The following DGKZ variants were observed in gnomAD, a reference collection of about 807,000 sequenced individuals.
DGKZ encodes DAG kinase zeta.
DGKZ carries 45 observed loss-of-function variants against 142.5 expected under a neutral mutation model. That is an observed-to-expected ratio of 0.32 (90% CI 0.25 to 0.40). The LOEUF (loss-of-function observed/expected upper bound fraction) is 0.40, where lower values mean the gene tolerates loss of function less well. Ranked by LOEUF, DGKZ falls within the 10% of genes least tolerant of loss-of-function variation. The pLI is 1.00. For missense variants in DGKZ, 755 were observed against 1,306.5 expected, an observed-to-expected ratio of 0.58 and a Z score of 6.51; for synonymous variants, 442 against 527.0, an observed-to-expected ratio of 0.84 and a Z score of 2.21.
At chr11:46,345,483 C>T (rs376380514), upstream of DGKZ, 36 of 1,507,012 alleles carry the variant, frequency 2.4e-5, 1 homozygote, top group East Asian at 6.8e-4. The surrounding 1 kb of genome is among the most constrained non-coding windows in gnomAD (Gnocchi z 4.1). Context: ...CCAGTGGAGG[C>T]GCTGGGGACG....
At chr11:46,373,144 G>C (rs577145313) in intron 14 of DGKZ, 43 bp downstream of exon 14, 105 of 1,504,372 alleles carry the variant, frequency 7.0e-5, no homozygotes, top group African/African-American at 6.2e-4. Flanking sequence ...AGGTGACTGG[G>C]GACTGGATCC....
In DGKZ at chr11:46,378,491, C is replaced by A. The variant is rs142463622; in HGVS notation, c.2409C>A (p.Asp803Glu). ...TGATTGAGGCTGCCAAGAGGAACGA[C>A]TTCTGTAAGGTACTAGCTCCAGGCT... The change falls in exon 27 of 31, where the codon GAC (aspartate) becomes GAA (glutamate). Residue 803 changes from aspartate to glutamate, a missense_variant. Asp to Glu is a conservative substitution (Grantham distance 45). Coordinates refer to ENST00000527911, the Ensembl canonical transcript of DGKZ. 124 of 1,610,076 alleles carry A rather than the reference C, an allele frequency of 7.7e-5. No homozygotes were observed. The highest frequency in any genetic ancestry group is 9.9e-5 in the Non-Finnish European group (117 of 1,177,554).
chr11:46,372,633 A>G lies in DGKZ; in HGVS notation c.1027A>G (p.Lys343Glu), dbSNP rs1944079134. The G allele has an allele frequency of 6.2e-7, 1 of 1,613,712 alleles. No individual in the cohort carries two copies. The highest frequency in any genetic ancestry group is 8.5e-7 in the Non-Finnish European group (1 of 1,180,006). The change falls in exon 12 of 31, where the codon AAA becomes GAA. Residue 343 changes from lysine (K) to glutamate (E), a missense_variant. By Grantham distance (56) the Lys-to-Glu change is moderately conservative. Around this residue, in one of 8 missense-constraint regions of DGKZ, gnomAD observed 191 missense variants for 472.1 expected, o/e 0.40. Transcript: ENST00000527911. The surrounding 1 kb of genome is among the most constrained non-coding windows in gnomAD (Gnocchi z 5.9). Reference sequence around the variant, plus strand: ...TGAGCCCAGGCTGGAGATGTACCGCAAAGTGCACAACCTGCGGATCCTGGC... The same window carrying G: ...TGAGCCCAGGCTGGAGATGTACCGCGAAGTGCACAACCTGCGGATCCTGGC...
intron 4 of DGKZ, 67 bp downstream of exon 4, chr11:46,368,146 C>T: frequency 6.6e-7 from 1 of 1,522,596 alleles, no homozygotes; most frequent in Non-Finnish European, 9.1e-7. Flanking sequence ...AGCGCGCACT[C>T]ACACCCACAT....
At chr11:46,376,718 G>A in intron 24 of DGKZ, 154 bp downstream of exon 24, 1 of 1,030,276 alleles carries the variant, frequency 9.7e-7, no homozygotes, top group Non-Finnish European at 1.4e-6. Context: ...TGGACAGCGT[G>A]CGGCCCTGCC....
chr11:46,339,162 C>T (rs1346051415), intron 1 of DGKZ, among the ~76,000 whole-genome samples: 3 of 152,246 alleles, frequency 2.0e-5, no homozygotes, highest in African/African-American at 7.2e-5. Flanking sequence ...GGGCACGCTG[C>T]TGCGGGTCCA....
intron 1 of DGKZ, among the ~76,000 whole-genome samples, chr11:46,337,875 T>G (rs536593020): frequency 1.3e-5 from 2 of 152,302 alleles, no homozygotes; most frequent in Admixed American, 1.3e-4. Flanking sequence ...AGTTCTGTTT[T>G]GGCCCCAGAA....
chr11:46,361,341 G>A (rs1942623145), intron 1 of DGKZ, among the ~76,000 whole-genome samples: 1 of 152,214 alleles, frequency 6.6e-6, no homozygotes, highest in Admixed American at 6.5e-5. Flanking sequence ...GGGCTGGGCT[G>A]TACTGGGTGC....
chr11:46,372,226 C>G lies in DGKZ; in HGVS notation c.927+56C>G, dbSNP rs372556184. On this transcript the variant is annotated intron_variant, in intron 10 of 30. Transcript: ENST00000527911. The surrounding 1 kb of genome is among the most constrained non-coding windows in gnomAD (Gnocchi z 5.9). ...CTCGGGCGGGGGTTGGGGTCCAGCCCGTCTGCCAGCAGCTGTTCCCAGAGC... is the reference window on the plus strand; with the variant it reads ...CTCGGGCGGGGGTTGGGGTCCAGCCGGTCTGCCAGCAGCTGTTCCCAGAGC... The G allele has an allele frequency of 6.7e-7, 1 of 1,483,694 alleles. No individual in the cohort carries two copies. Among genetic ancestry groups the G allele is most frequent in the African/African-American group, 1.4e-5 (1 of 71,960 alleles). 91.9% of individuals were successfully genotyped at this position (1,483,694 alleles called of 1,614,324 possible).
intron 4 of DGKZ, chr11:46,368,382 TAGA>T (rs1346625481): frequency 9.6e-6 from 4 of 416,220 alleles, no homozygotes; most frequent in Non-Finnish European, 1.8e-5. Context: ...AACTAGTGCT[TAGA>T]AGAGGCCATT....
intron 1 of DGKZ, chr11:46,365,635 A>G (rs1316731748): frequency 1.0e-6 from 1 of 985,194 alleles, no homozygotes; most frequent in East Asian, 1.1e-4. Flanking sequence ...CCCCAAGGCT[A>G]TGGGCTGAGA....
chr11:46,374,971 G>C (rs1944375645), exon 19 of DGKZ: 1 of 1,612,430 alleles, frequency 6.2e-7, no homozygotes, highest in Non-Finnish European at 8.5e-7. Flanking sequence ...CCACCCTGGG[G>C]AGCACCACGA....
At chr11:46,378,366 C>T in intron 26 of DGKZ, 91 bp from the exon 27 acceptor site, 2 of 1,544,416 alleles carry the variant, frequency 1.3e-6, no homozygotes, top group Non-Finnish European at 1.7e-6. Flanking sequence ...GCCCTGGGCA[C>T]ACATGCCTGG....
At chr11:46,375,152 CCTT>C (rs1308804354) in intron 19 of DGKZ, 107 bp downstream of exon 19, 3 of 1,078,284 alleles carry the variant, frequency 2.8e-6, no homozygotes, top group African/African-American at 3.2e-5. Flanking sequence ...CCCTCACCTC[CCTT>C]CTTTGTCTCA....
intron 1 of DGKZ, among the ~76,000 whole-genome samples, chr11:46,360,814 T>C (rs1052211729): frequency 1.4e-5 from 2 of 148,076 alleles, no homozygotes; most frequent in Admixed American, 6.7e-5. Flanking sequence ...TTTAAAGAGG[T>C]CTTGGGATCA....
chr11:46,361,480 C>A, intron 1 of DGKZ: 1 of 292,874 alleles, frequency 3.4e-6, no homozygotes, highest in Non-Finnish European at 5.1e-6. Flanking sequence ...GGGCCTGGAG[C>A]CGCTGCTGGG....
At chr11:46,341,190 A>C (rs1940260510) in intron 1 of DGKZ, among the ~76,000 whole-genome samples, 1 of 152,160 alleles carries the variant, frequency 6.6e-6, no homozygotes, top group African/African-American at 2.4e-5. Flanking sequence ...GCAAACAAGA[A>C]GCCAGTCTCC....
upstream of DGKZ, among the ~76,000 whole-genome samples, chr11:46,344,974 C>T (rs906474055): frequency 3.3e-5 from 5 of 152,196 alleles, no homozygotes; most frequent in Admixed American, 6.5e-5. Context: ...TTCTCTACAC[C>T]ACCTTCCTGT....
chr11:46,344,833 T>C (rs150842566), upstream of DGKZ, among the ~76,000 whole-genome samples: 943 of 152,274 alleles, frequency 6.2e-3, 12 homozygotes, highest in African/African-American at 0.022. Flanking sequence ...TATTTGTTTA[T>C]AGGCTACCTT....
Sources: gnomAD v4.1 joint callset for allele counts (sites outside exome capture counted in the v4.1 genomes callset) on GRCh38, gnomAD v4.1.1 for gene constraint, gnomAD v4.1.1 regional missense constraint, Gnocchi (gnomAD v3.1) non-coding constraint, MANE v1.5 for transcripts, NCBI Gene and HGNC (gene_info 2026-07-23, HGNC 2026-07-21) for gene names.